The following EYS variants were observed in gnomAD, a reference collection of about 807,000 sequenced individuals.
The protein encoded by EYS is EGF-like photoreceptor maintenance factor, also known as protein eyes shut homolog.
In EYS, 250 loss-of-function variants were observed where a neutral mutation model predicts 282.1. The ratio of observed to expected loss-of-function variants is 0.89; its 90% CI spans 0.80 to 0.98. EYS has a LOEUF of 0.98. Among genes scored for constraint, EYS ranks in the 50% least tolerant of loss-of-function variants. The pLI, the probability that EYS is intolerant of heterozygous loss-of-function variation, is 0.00. For missense variants in EYS, 4,016 were observed against 3,709.0 expected, an observed-to-expected ratio of 1.08 and a Z score of -2.15; for synonymous variants, 1,355 against 1,282.9, an observed-to-expected ratio of 1.06 and a Z score of -1.20.
At chr6:64,498,215 G>T (rs1192366618) in intron 26 of EYS, among the ~76,000 whole-genome samples, 1 of 151,942 alleles carries the variant, frequency 6.6e-6, no homozygotes, top group Non-Finnish European at 1.5e-5. Context: ...CTTGTTTAAT[G>T]CTCACAATAC....
chr6:65,647,263 C>T (rs1767484182), intron 1 of EYS, among the ~76,000 whole-genome samples: 1 of 152,246 alleles, frequency 6.6e-6, no homozygotes, highest in South Asian at 2.1e-4. Flanking sequence ...TGACTTCACA[C>T]TATACTATAA....
intron 22 of EYS, among the ~76,000 whole-genome samples, chr6:64,783,198 C>T (rs1773913261): frequency 6.6e-6 from 1 of 152,060 alleles, no homozygotes; most frequent in Admixed American, 6.6e-5. Flanking sequence ...ACTTTTATTA[C>T]AGAATATTAC....
In EYS at chr6:64,196,011, AT is replaced by A. The variant is rs1765275648; in HGVS notation, c.6424+34580del. On this transcript the variant is annotated intron_variant, in intron 31 of 42. Coordinates refer to ENST00000503581, the MANE Select transcript of EYS (RefSeq NM_001142800.2). ...CCTACTCATCTGACAAAGGGCTAAT[AT>A]CCAGAATCTACAATGAACTCAAACA... Among the ~76,000 whole-genome samples the A allele has an allele frequency of 2.0e-5, 3 of 152,212 alleles. No homozygotes were observed. The South Asian group carries it at 6.2e-4, about 32-fold the overall frequency.
intron 5 of EYS, among the ~76,000 whole-genome samples, chr6:65,487,833 T>C (rs1260098026): frequency 6.6e-6 from 1 of 152,154 alleles, no homozygotes; most frequent in Non-Finnish European, 1.5e-5. Context: ...AGGCTATTAA[T>C]TATTGCCTCA....
intron 2 of EYS, among the ~76,000 whole-genome samples, chr6:65,525,121 A>G (rs1330034045): frequency 1.3e-5 from 2 of 151,496 alleles, no homozygotes; most frequent in East Asian, 1.9e-4. Flanking sequence ...GGTTTGTTAC[A>G]TAGGTATACA....
At chr6:65,339,346 G>C (rs1770111542) in intron 10 of EYS, among the ~76,000 whole-genome samples, 1 of 151,134 alleles carries the variant, frequency 6.6e-6, no homozygotes, top group Non-Finnish European at 1.5e-5. Flanking sequence ...CTCCCTTATT[G>C]TTGGTTTCGC....
At chr6:64,758,817 G>T (rs1420836330) in intron 22 of EYS, among the ~76,000 whole-genome samples, 1 of 152,162 alleles carries the variant, frequency 6.6e-6, no homozygotes, top group Non-Finnish European at 1.5e-5. Context: ...GGGGAGAAAA[G>T]ATAAAACTCT....
chr6:63,905,634 A>C (rs534204077), intron 35 of EYS, among the ~76,000 whole-genome samples: 6 of 152,206 alleles, frequency 3.9e-5, no homozygotes, highest in African/African-American at 1.2e-4. Flanking sequence ...CTGGCCAAAT[A>C]AGGGGATTTC....
intron 22 of EYS, among the ~76,000 whole-genome samples, chr6:64,753,484 G>T: frequency 6.7e-6 from 1 of 148,872 alleles, no homozygotes; most frequent in East Asian, 2.0e-4. Context: ...GATAGAATAG[G>T]CTTTATATCA....
At chr6:63,756,977 CAT>C (rs752266152) in intron 41 of EYS, among the ~76,000 whole-genome samples, 8 of 152,206 alleles carry the variant, frequency 5.3e-5, no homozygotes, top group African/African-American at 1.7e-4. Context: ...GATCGTAAAA[CAT>C]GTGTGTTTGA....
At chr6:65,335,706 A>G (rs1404626925) in intron 10 of EYS, among the ~76,000 whole-genome samples, 1 of 151,574 alleles carries the variant, frequency 6.6e-6, no homozygotes, top group African/African-American at 2.4e-5. Context: ...TTTCCCCACA[A>G]ACTTGCTGAA....
chr6:64,010,275 G>T (rs1376898984), intron 33 of EYS, among the ~76,000 whole-genome samples: 1 of 152,072 alleles, frequency 6.6e-6, no homozygotes, highest in South Asian at 2.1e-4. Context: ...CTGGGGATGC[G>T]GTGCTCCTGC....
chr6:63,977,343 A>T (rs1308616933), intron 35 of EYS, among the ~76,000 whole-genome samples: 2 of 151,412 alleles, frequency 1.3e-5, no homozygotes, highest in Non-Finnish European at 2.9e-5. Context: ...CATGCAATAA[A>T]TTATTGATAA....
At chr6:65,401,097 T>C (rs531314319) in intron 7 of EYS, among the ~76,000 whole-genome samples, 10 of 152,086 alleles carry the variant, frequency 6.6e-5, no homozygotes, top group African/African-American at 2.4e-4. Flanking sequence ...CAAGAAGTTC[T>C]AATTTCAAAG....
At chr6:65,391,122 T>A (rs1413644066) in intron 7 of EYS, among the ~76,000 whole-genome samples, 1 of 152,038 alleles carries the variant, frequency 6.6e-6, no homozygotes, top group Admixed American at 6.6e-5. Flanking sequence ...ATTTTTTATA[T>A]GGAAATTAAT....
intron 7 of EYS, among the ~76,000 whole-genome samples, chr6:65,394,188 A>T (rs993728002): frequency 2.0e-5 from 3 of 151,972 alleles, no homozygotes; most frequent in Non-Finnish European, 4.4e-5. Context: ...AGAATATTGG[A>T]GTCATTGCAT....
intron 36 of EYS, among the ~76,000 whole-genome samples, chr6:63,808,896 A>AT (rs1770971458): frequency 2.0e-5 from 3 of 152,226 alleles, no homozygotes; most frequent in Non-Finnish European, 4.4e-5. Context: ...TAAATAAAAT[A>AT]TATTACTAAA....
At chr6:64,559,439 T>A (rs1765332075) in intron 26 of EYS, among the ~76,000 whole-genome samples, 1 of 152,018 alleles carries the variant, frequency 6.6e-6, no homozygotes, top group African/African-American at 2.4e-5. Context: ...TTGATTAGCA[T>A]TAAGTACTGC....
intron 12 of EYS, among the ~76,000 whole-genome samples, chr6:65,245,496 A>G (rs1010860522): frequency 1.3e-5 from 2 of 152,118 alleles, no homozygotes; most frequent in Non-Finnish European, 2.9e-5. Context: ...CAAAGATCAT[A>G]CAATAGCTCT....
Sources: gnomAD v4.1 joint callset for allele counts (sites outside exome capture counted in the v4.1 genomes callset) on GRCh38, gnomAD v4.1.1 for gene constraint, MANE v1.5 for transcripts, NCBI Gene and HGNC (gene_info 2026-07-23, HGNC 2026-07-21) for gene names.